AEBP2: variants seen among roughly 807,000 people sequenced by gnomAD.
The protein encoded by AEBP2 is zinc finger protein AEBP2.
AEBP2 carries 10 observed loss-of-function variants against 50.8 expected under a neutral mutation model. The ratio of observed to expected loss-of-function variants is 0.20; its 90% CI spans 0.12 to 0.33. The LOEUF (loss-of-function observed/expected upper bound fraction) is 0.33. Ranked by LOEUF, AEBP2 falls within the 10% of genes least tolerant of loss-of-function variation. The probability of loss-of-function intolerance (pLI) is 1.00; values close to 1 mark genes in which losing one functional copy is unlikely to be tolerated. For synonymous variants in AEBP2, 296 were observed against 261.3 expected (o/e 1.13, Z -1.28); for missense variants, 570 against 688.0 (o/e 0.83, Z 1.92).
chr12:19,435,915 T>C (rs966162730), upstream of AEBP2, among the ~76,000 whole-genome samples: 56 of 152,180 alleles, frequency 3.7e-4, no homozygotes, highest in Admixed American at 1.2e-3. Flanking sequence ...TTTGGCATGC[T>C]GAGTACTTTT....
intron 1 of AEBP2, among the ~76,000 whole-genome samples, chr12:19,455,390 G>A (rs1165986445): frequency 6.6e-6 from 1 of 152,184 alleles, no homozygotes; most frequent in African/African-American, 2.4e-5. Context: ...TATTTGCAAT[G>A]TGTAATCAGA....
chr12:19,440,115 C>T lies in AEBP2; in HGVS notation c.416C>T (p.Ser139Leu), dbSNP rs1425787225. The change falls in exon 1 of 8, where the codon TCG becomes TTG. Residue 139 changes from serine to leucine, a missense_variant. Transcript: ENST00000266508. ...GGGAGCAGCAGCGACGAGACCCGCT[C>T]GTTGAGCCCCGGCGCCGCCAGCAGC... ...SGGSSSDETR[S>L]LSPGAASSSS... is the part of the protein sequence containing the mutation. The T allele has an allele frequency of 4.0e-6, 6 of 1,503,662 alleles. No homozygotes were observed. Among genetic ancestry groups the T allele is most frequent in the Non-Finnish European group, 4.4e-6 (5 of 1,132,686 alleles). The allele number at this position is 1,503,662 out of a possible 1,614,324, so 93.1% of individuals were successfully genotyped here.
chr12:19,421,836 A>G (rs771776369), intron 1 of AEBP2, among the ~76,000 whole-genome samples: 18 of 152,234 alleles, frequency 1.2e-4, no homozygotes, highest in Middle Eastern at 3.4e-3. Flanking sequence ...TGCAGTACAA[A>G]TATCTTCAGT....
intron 4 of AEBP2, 105 bp downstream of exon 4, chr12:19,494,091 T>A: frequency 7.9e-7 from 1 of 1,265,466 alleles, no homozygotes; most frequent in Non-Finnish European, 1.1e-6. Flanking sequence ...CTATTAAAAG[T>A]AACAAACAGG....
At chr12:19,469,240 T>C (rs1030695984) in intron 2 of AEBP2, among the ~76,000 whole-genome samples, 2 of 152,190 alleles carry the variant, frequency 1.3e-5, no homozygotes, top group Non-Finnish European at 2.9e-5. Context: ...AATATTCTTT[T>C]AATGGCTGTG....
At chr12:19,501,973 G>T (rs563163904) in intron 5 of AEBP2, among the ~76,000 whole-genome samples, 82 of 151,972 alleles carry the variant, frequency 5.4e-4, no homozygotes, top group South Asian at 1.7e-3. Context: ...AACTATTTAC[G>T]TAGTATCGAC....
intron 1 of AEBP2, among the ~76,000 whole-genome samples, chr12:19,453,547 C>T (rs1592728038): frequency 6.6e-6 from 1 of 152,080 alleles, no homozygotes; most frequent in Non-Finnish European, 1.5e-5. Context: ...CCTCAGCCTC[C>T]TGTGTAGCTG....
intron 1 of AEBP2, chr12:19,457,697 C>G: frequency 1.7e-6 from 2 of 1,156,796 alleles, no homozygotes; most frequent in Non-Finnish European, 2.3e-6. Flanking sequence ...TGGCGGCAAA[C>G]CCATTGTGAA....
intron 1 of AEBP2, among the ~76,000 whole-genome samples, chr12:19,431,861 C>A (rs1252602197): frequency 1.3e-5 from 2 of 152,176 alleles, no homozygotes; most frequent in Non-Finnish European, 2.9e-5. Flanking sequence ...ATCTTGCTCA[C>A]CATGGCAATA....
chr12:19,444,982 C>T (rs904022468), intron 1 of AEBP2, among the ~76,000 whole-genome samples: 2 of 151,804 alleles, frequency 1.3e-5, no homozygotes, highest in Admixed American at 1.3e-4. Context: ...GCAGCCTCTG[C>T]CTCCTGAGTA....
chr12:19,431,198 G>A (rs1197685960), intron 1 of AEBP2, among the ~76,000 whole-genome samples: 1 of 152,120 alleles, frequency 6.6e-6, no homozygotes, highest in Non-Finnish European at 1.5e-5. Context: ...AAGGAGGGCT[G>A]GTTGCTTTAT....
At chr12:19,486,017 CTTGT>C (rs1167702487) in intron 3 of AEBP2, among the ~76,000 whole-genome samples, 1 of 144,712 alleles carries the variant, frequency 6.9e-6, no homozygotes, top group Non-Finnish European at 1.5e-5. Context: ...CTAATGCACA[CTTGT>C]TTAACAGTTT....
chr12:19,472,607 T>G (rs1274516169), intron 2 of AEBP2, among the ~76,000 whole-genome samples: 1 of 152,140 alleles, frequency 6.6e-6, no homozygotes, highest in Non-Finnish European at 1.5e-5. Context: ...ATTACAAAAT[T>G]TCATATTCCA....
chr12:19,405,355 C>T (rs541689434), intron 1 of AEBP2, among the ~76,000 whole-genome samples: 2 of 150,260 alleles, frequency 1.3e-5, no homozygotes, highest in South Asian at 4.2e-4. Flanking sequence ...GAGACGGAGT[C>T]TCGCTCTGTC....
intron 4 of AEBP2, among the ~76,000 whole-genome samples, chr12:19,497,036 A>G (rs1043543574): frequency 3.3e-5 from 5 of 151,356 alleles, no homozygotes; most frequent in Admixed American, 6.6e-5. Flanking sequence ...AATCTTTAAA[A>G]TATATTTTTA....
chr12:19,513,329 T>TA (rs1555188338), intron 6 of AEBP2, among the ~76,000 whole-genome samples: 20 of 151,924 alleles, frequency 1.3e-4, no homozygotes, highest in Admixed American at 2.6e-4. Flanking sequence ...TGTATTTTTT[T>TA]ATCTTTCTTA....
At chr12:19,416,972 A>C (rs772532982) in intron 1 of AEBP2, among the ~76,000 whole-genome samples, 2 of 151,690 alleles carry the variant, frequency 1.3e-5, no homozygotes, top group Admixed American at 6.6e-5. Context: ...CTCAGGTTCA[A>C]GTGATTCTCC....
intron 1 of AEBP2, among the ~76,000 whole-genome samples, chr12:19,404,407 C>T (rs1357192805): frequency 6.6e-6 from 1 of 152,182 alleles, no homozygotes; most frequent in Non-Finnish European, 1.5e-5. Flanking sequence ...TGGCGGCCAT[C>T]GCGCTTCCTC....
At chr12:19,431,900 CTAAAA>C (rs996498624) in intron 1 of AEBP2, among the ~76,000 whole-genome samples, 1 of 152,116 alleles carries the variant, frequency 6.6e-6, no homozygotes, top group Non-Finnish European at 1.5e-5. Flanking sequence ...ATAAAGGAGC[CTAAAA>C]TAAAAGTGCA....
Sources: allele counts gnomAD v4.1 joint callset (sites outside exome capture counted in the v4.1 genomes callset), GRCh38; gene constraint gnomAD v4.1.1; transcripts MANE v1.5; gene names NCBI Gene and HGNC (gene_info 2026-07-23, HGNC 2026-07-21).